Variants in CHKA observed in about 807,000 individuals in gnomAD.
CHKA encodes CHETK-alpha.
Under a neutral mutation model 60.1 loss-of-function variants are expected in CHKA, and 34 were observed. The ratio of observed to expected loss-of-function variants is 0.57; its 90% CI spans 0.43 to 0.75. CHKA has a LOEUF of 0.75. Among genes scored for constraint, CHKA ranks in the 30% least tolerant of loss-of-function variants. The probability of loss-of-function intolerance (pLI) is 0.00; values close to 1 mark genes in which losing one functional copy is unlikely to be tolerated. For missense variants in CHKA, 563 were observed against 561.3 expected, an observed-to-expected ratio of 1.00 and a Z score of -0.03; for synonymous variants, 217 against 223.1, an observed-to-expected ratio of 0.97 and a Z score of 0.24.
intron 4 of CHKA, among the ~76,000 whole-genome samples, chr11:68,073,104 C>T (rs1856676221): frequency 6.6e-6 from 1 of 152,158 alleles, no homozygotes; most frequent in Non-Finnish European, 1.5e-5. Flanking sequence ...CTGATGCCTG[C>T]CCTTTTTGTC....
chr11:68,079,440 C>T (rs1209131075), intron 3 of CHKA, among the ~76,000 whole-genome samples: 13 of 152,126 alleles, frequency 8.5e-5, no homozygotes, highest in Admixed American at 7.9e-4. Flanking sequence ...CGCCATTCTC[C>T]TGCCTCAGCC....
At chr11:68,096,942 C>G (rs1857532460) in intron 2 of CHKA, 77 bp downstream of exon 2, 2 of 988,012 alleles carry the variant, frequency 2.0e-6, no homozygotes, top group Non-Finnish European at 3.0e-6. Context: ...TTTAAAATCT[C>G]TTTCCAAGGT....
intron 10 of CHKA, among the ~76,000 whole-genome samples, chr11:68,062,679 G>C (rs755465735): frequency 3.3e-5 from 5 of 152,332 alleles, no homozygotes; most frequent in Non-Finnish European, 7.4e-5. Context: ...GCCTGCTCTA[G>C]TATCCTCCAA....
Position 68,061,095 on chromosome 11 carries a change from G to GTT in CHKA, c.1314+856_1314+857dup, listed in dbSNP as rs757176198. Among the ~76,000 whole-genome samples, 135 of 70,884 alleles carry GTT rather than the reference G, an allele frequency of 1.9e-3. 13 individuals carry two copies. The highest frequency in any genetic ancestry group is 4.9e-3 in the African/African-American group (73 of 14,952). The allele number at this position is 70,884 out of a possible 152,430, so 46.5% of individuals were successfully genotyped here. ...ACTTTCTATTTCTATGTCAGTGACA[G>GTT]TTTTTTTTTTTTTTTTTTTTTTTTT... is the stretch of plus-strand genomic sequence containing the variant. On this transcript the variant is annotated intron_variant, in intron 11 of 11. Transcript: ENST00000265689.
chr11:68,055,244 G>A (rs1441498216), intron 11 of CHKA, among the ~76,000 whole-genome samples: 1 of 152,186 alleles, frequency 6.6e-6, no homozygotes, highest in Non-Finnish European at 1.5e-5. Context: ...TAAAAAATTA[G>A]CTGGGTGCGG....
chr11:68,100,725 TACTC>T (rs1007568952), intron 1 of CHKA, among the ~76,000 whole-genome samples: 10 of 151,388 alleles, frequency 6.6e-5, no homozygotes, highest in Admixed American at 5.3e-4. Flanking sequence ...AGGCACAAGA[TACTC>T]AAGCAAAATC....
rs1350321428 is a variant in CHKA at position 68,092,209 on chromosome 11, T to C, written c.462+4810A>G. On this transcript the variant is annotated intron_variant, in intron 2 of 11. Coordinates refer to ENST00000265689, the MANE Select transcript of CHKA (RefSeq NM_001277.3). ...TATTTAATTCTCTCTTTAACCATGA[T>C]GTGATTTATTATTGGGGGCTCTGTA... Among the ~76,000 whole-genome samples, 4 of 152,248 alleles carry C rather than the reference T, an allele frequency of 2.6e-5. No individual in the cohort carries two copies. The South Asian group carries it at 6.2e-4, about 24-fold the overall frequency.
intron 11 of CHKA, among the ~76,000 whole-genome samples, chr11:68,055,011 G>A (rs546832085): frequency 2.0e-5 from 3 of 152,332 alleles, no homozygotes; most frequent in South Asian, 2.1e-4. Flanking sequence ...TTGCACTGCC[G>A]AGTGTTCTCA....
intron 4 of CHKA, among the ~76,000 whole-genome samples, chr11:68,073,841 A>G (rs1250959347): frequency 6.6e-6 from 1 of 152,220 alleles, no homozygotes; most frequent in Non-Finnish European, 1.5e-5. Context: ...TATCTCATGC[A>G]GCAGGGCAGG....
intron 1 of CHKA, among the ~76,000 whole-genome samples, chr11:68,103,721 G>A (rs1252934886): frequency 2.0e-5 from 3 of 151,872 alleles, no homozygotes; most frequent in African/African-American, 7.3e-5. Context: ...AGATCAGCCT[G>A]GCCAACATGG....
intron 2 of CHKA, among the ~76,000 whole-genome samples, chr11:68,096,318 G>A: frequency 6.6e-6 from 1 of 152,006 alleles, no homozygotes; most frequent in South Asian, 2.1e-4. Flanking sequence ...CTGAGATCAC[G>A]CCATTGCACT....
chr11:68,095,884 A>AAG (rs1331767323), intron 2 of CHKA, among the ~76,000 whole-genome samples: 5 of 147,468 alleles, frequency 3.4e-5, no homozygotes, highest in African/African-American at 1.0e-4. Context: ...TCTACTAAAA[A>AAG]TACAAAAATT....
chr11:68,083,168 T>C (rs1786204664), intron 2 of CHKA, among the ~76,000 whole-genome samples: 1 of 152,166 alleles, frequency 6.6e-6, no homozygotes, highest in African/African-American at 2.4e-5. Flanking sequence ...CTACACTTTT[T>C]AGGCTGCATG....
At position 68,060,032 on chromosome 11, in the gene CHKA, C is replaced by CT. The variant is rs377176560; in HGVS notation, c.1314+1920dup. On this transcript the variant is annotated intron_variant, in intron 11 of 11. Transcript: ENST00000265689. ...TTTGTTTCTGAGATAGAGTTTCACT[C>CT]TTTTTTTTTTGAGACCCAGAGTCTC... Among the ~76,000 whole-genome samples the CT allele has an allele frequency of 1.9e-3, 260 of 134,210 alleles. 10 individuals carry two copies. Among genetic ancestry groups the CT allele is most frequent in the African/African-American group, 5.9e-3 (209 of 35,272 alleles). 88.0% of individuals were successfully genotyped at this position (134,210 alleles called of 152,430 possible).
chr11:68,084,116 G>A (rs539141072), intron 2 of CHKA, among the ~76,000 whole-genome samples: 141 of 150,782 alleles, frequency 9.4e-4, no homozygotes, highest in Non-Finnish European at 1.6e-3. Context: ...GCATAGTGGC[G>A]CATGCCTGTA....
intron 11 of CHKA, 90 bp from the exon 12 acceptor site, chr11:68,054,137 G>T: frequency 1.8e-6 from 2 of 1,137,356 alleles, no homozygotes; most frequent in Admixed American, 1.9e-5. Flanking sequence ...CCAGGCAAGA[G>T]CTGAGGGCAC....
At chr11:68,112,721 G>C (rs1018483800) in intron 1 of CHKA, among the ~76,000 whole-genome samples, 2 of 152,168 alleles carry the variant, frequency 1.3e-5, no homozygotes, top group African/African-American at 4.8e-5. Flanking sequence ...TTTGATAAAG[G>C]ACTGTTAACA....
intron 2 of CHKA, chr11:68,082,069 A>G (rs1247067456): frequency 6.6e-6 from 1 of 152,164 alleles, no homozygotes; most frequent in Non-Finnish European, 1.5e-5. Context: ...TGTATTTAAT[A>G]AAGTCTCTAA....
intron 1 of CHKA, among the ~76,000 whole-genome samples, chr11:68,119,794 T>C (rs924746622): frequency 4.6e-5 from 7 of 151,786 alleles, no homozygotes; most frequent in East Asian, 1.9e-4. Context: ...AAGGTCTCAA[T>C]AGAAGGATGC....
Sources: allele counts gnomAD v4.1 joint callset (sites outside exome capture counted in the v4.1 genomes callset), GRCh38; gene constraint gnomAD v4.1.1; transcripts MANE v1.5; gene names NCBI Gene and HGNC (gene_info 2026-07-23, HGNC 2026-07-21).